The following MBTD1 variants were observed in gnomAD, a reference collection of about 807,000 sequenced individuals.
MBTD1 encodes the protein MBT domain-containing protein 1.
Under a neutral mutation model 87.8 loss-of-function variants are expected in MBTD1, and 24 were observed. That is an observed-to-expected ratio of 0.27 (90% confidence interval 0.20 to 0.38). The LOEUF (loss-of-function observed/expected upper bound fraction) is 0.38. MBTD1 is among the 10% of genes least tolerant of loss of function. The pLI is 1.00. For synonymous variants in MBTD1, 237 were observed against 248.6 expected (o/e 0.95, Z 0.44); for missense variants, 436 against 760.2 (o/e 0.57, Z 5.02).
At chr17:51,214,318 A>T (rs1598352291) in intron 6 of MBTD1, among the ~76,000 whole-genome samples, 2 of 149,622 alleles carry the variant, frequency 1.3e-5, no homozygotes, top group South Asian at 2.2e-4. Context: ...TGCCGATTAT[A>T]AAAAAAAAAT....
intron 2 of MBTD1, among the ~76,000 whole-genome samples, chr17:51,233,807 G>A (rs537333097): frequency 6.6e-6 from 1 of 152,108 alleles, no homozygotes; most frequent in East Asian, 1.9e-4. Context: ...TGCCAATACT[G>A]GTATTAAAAG....
At chr17:51,220,527 G>A in intron 3 of MBTD1, 64 bp from the exon 4 acceptor site, 1 of 1,386,888 alleles carries the variant, frequency 7.2e-7, no homozygotes, top group Non-Finnish European at 9.7e-7. Context: ...TCATCTAACA[G>A]TTTAAATAAT....
intron 4 of MBTD1, among the ~76,000 whole-genome samples, chr17:51,219,802 G>A (rs2052780759): frequency 6.6e-6 from 1 of 152,182 alleles, no homozygotes. Flanking sequence ...CAGTCATTTT[G>A]TAGGCACTGA....
At chr17:51,247,573 C>G (rs1435652374) in intron 2 of MBTD1, among the ~76,000 whole-genome samples, 1 of 151,966 alleles carries the variant, frequency 6.6e-6, no homozygotes, top group African/African-American at 2.4e-5. Context: ...CCCAGCCTCC[C>G]AAGTAGCTGG....
chr17:51,196,069 G>A (rs1457689788), intron 12 of MBTD1, among the ~76,000 whole-genome samples: 3 of 151,924 alleles, frequency 2.0e-5, no homozygotes, highest in Non-Finnish European at 2.9e-5. Flanking sequence ...CATCACACTC[G>A]GCTAATTGTT....
At chr17:51,228,569 G>C (rs1397662319) in intron 2 of MBTD1, among the ~76,000 whole-genome samples, 1 of 147,948 alleles carries the variant, frequency 6.8e-6, no homozygotes. Context: ...TACAGGCTTT[G>C]TGAGAAGTGA....
chr17:51,227,253 A>T (rs1454030588), intron 2 of MBTD1, among the ~76,000 whole-genome samples: 1 of 36,098 alleles, frequency 2.8e-5, no homozygotes, highest in African/African-American at 8.5e-5. Context: ...AAAAAAAAAA[A>T]AAAAAAAAAA....
Position 51,201,615 on chromosome 17 carries a change from T to G in MBTD1, c.1201A>C (p.Ile401Leu), listed in dbSNP as rs764772111. The G allele has an allele frequency of 1.2e-6, 2 of 1,606,832 alleles. No individual in the cohort carries two copies. Among genetic ancestry groups the G allele is most frequent in the Admixed American group, 3.4e-5 (2 of 59,028 alleles). The change falls in exon 12 of 17, where the codon ATA (isoleucine) becomes CTA (leucine). Residue 401 changes from isoleucine (I) to leucine (L), a missense_variant. Physicochemically the swap from Ile to Leu is conservative, Grantham distance 5. Coordinates refer to ENST00000586178, the MANE Select transcript of MBTD1 (RefSeq NM_017643.3). Reference protein sequence around the residue: ...EAIDPLNLSTICVATIRKVLA... With the variant: ...EAIDPLNLSTLCVATIRKVLA... ...ACCTTTCTAATGGTTGCGACACATA[T>G]TGTAGAAAGATTTAATGGGTCTATA...
intron 2 of MBTD1, among the ~76,000 whole-genome samples, chr17:51,248,421 C>T (rs2054578462): frequency 6.6e-6 from 1 of 152,128 alleles, no homozygotes; most frequent in Non-Finnish European, 1.5e-5. Flanking sequence ...AGAAACTTTG[C>T]AATTTGTGTT....
chr17:51,233,859 A>G (rs774312007), intron 2 of MBTD1, among the ~76,000 whole-genome samples: 5 of 152,168 alleles, frequency 3.3e-5, no homozygotes, highest in Admixed American at 1.3e-4. Context: ...GAATCAAAAT[A>G]TCAGTGGACT....
intron 15 of MBTD1, 22 bp downstream of exon 15, chr17:51,192,760 C>A: frequency 1.2e-6 from 2 of 1,611,918 alleles, no homozygotes; most frequent in Middle Eastern, 1.7e-4. Context: ...CAAAAGGACA[C>A]CTTTTCTGTA....
chr17:51,190,446 CAG>C (rs554574936), intron 16 of MBTD1, among the ~76,000 whole-genome samples: 46 of 151,988 alleles, frequency 3.0e-4, no homozygotes, highest in Admixed American at 2.8e-3. Flanking sequence ...TGGCCAGACT[CAG>C]AGGATCACAC....
intron 9 of MBTD1, 73 bp downstream of exon 9, chr17:51,203,067 A>G: frequency 7.5e-7 from 1 of 1,333,232 alleles, no homozygotes; most frequent in East Asian, 2.3e-5. Context: ...AAATTAAACC[A>G]ATTCCTTAAA....
chr17:51,211,412 T>G (rs1015969569), intron 6 of MBTD1, among the ~76,000 whole-genome samples: 1 of 149,052 alleles, frequency 6.7e-6, no homozygotes, highest in African/African-American at 2.5e-5. Flanking sequence ...GAGGCTGAGG[T>G]GGGAGAGTCA....
intron 6 of MBTD1, among the ~76,000 whole-genome samples, chr17:51,209,820 A>T (rs560687245): frequency 6.6e-6 from 1 of 152,372 alleles, no homozygotes; most frequent in Non-Finnish European, 1.5e-5. Context: ...AGCCATCATC[A>T]AAATGTCTTC....
intron 2 of MBTD1, among the ~76,000 whole-genome samples, chr17:51,228,271 C>A (rs2053344766): frequency 6.6e-6 from 1 of 152,022 alleles, no homozygotes; most frequent in Admixed American, 6.6e-5. Flanking sequence ...CGAATGAGTA[C>A]TAGGCTACTA....
chr17:51,258,004 G>A (rs931485235), intron 2 of MBTD1, among the ~76,000 whole-genome samples: 4 of 89,872 alleles, frequency 4.5e-5, no homozygotes, highest in African/African-American at 2.1e-4. Flanking sequence ...AGAAGGAGGT[G>A]GTGCAAAAAA....
In MBTD1 at chr17:51,179,366, C is replaced by A. The variant is rs1298768315; in HGVS notation, c.*1210G>T. 1 of 147,406 alleles carries A rather than the reference C, an allele frequency of 6.8e-6. No homozygotes were observed. Among genetic ancestry groups the A allele is most frequent in the Admixed American group, 6.8e-5 (1 of 14,710 alleles). The allele number at this position is 147,406 out of a possible 1,614,324, so 9.1% of individuals were successfully genotyped here. The stretch of plus-strand genomic sequence containing the variant: ...GAGAGCAAACCTTTCACCAGTTTAC[C>A]CTTGTATCCTTTTTTTTTTTTTAAA... On this transcript the variant is annotated 3_prime_UTR_variant, in exon 17 of 17. Coordinates refer to ENST00000586178, the MANE Select transcript of MBTD1 (RefSeq NM_017643.3).
intron 2 of MBTD1, among the ~76,000 whole-genome samples, chr17:51,252,830 A>T (rs1430044684): frequency 6.6e-6 from 1 of 152,172 alleles, no homozygotes. Flanking sequence ...GATTGTAGGT[A>T]GGTAAACCTT....
Sources: gnomAD v4.1 joint callset for allele counts (sites outside exome capture counted in the v4.1 genomes callset) on GRCh38, gnomAD v4.1.1 for gene constraint, MANE v1.5 for transcripts, NCBI Gene and HGNC (gene_info 2026-07-23, HGNC 2026-07-21) for gene names.